Variants in MKLN1 observed in about 807,000 individuals in gnomAD.
MKLN1 encodes muskelin.
A neutral mutation model predicts 99.0 loss-of-function variants in MKLN1; 18 were observed. The observed-to-expected ratio is 0.18, with a 90% CI of 0.13 to 0.27. MKLN1 has a LOEUF of 0.27. Ranked by LOEUF, MKLN1 falls within the 10% of genes least tolerant of loss-of-function variation. The probability of loss-of-function intolerance (pLI) is 1.00; values close to 1 mark genes in which losing one functional copy is unlikely to be tolerated. For synonymous variants in MKLN1, 288 were observed against 293.2 expected (o/e 0.98, Z 0.18); for missense variants, 621 against 875.9 (o/e 0.71, Z 3.67).
intron 9 of MKLN1, among the ~76,000 whole-genome samples, chr7:131,434,384 A>G (rs1187634172): frequency 6.6e-6 from 1 of 152,214 alleles, no homozygotes; most frequent in East Asian, 1.9e-4. Flanking sequence ...TTTACTTTCC[A>G]TTTGTTGGCT....
At chr7:131,473,755 A>G (rs1796892055) in intron 16 of MKLN1, among the ~76,000 whole-genome samples, 1 of 152,230 alleles carries the variant, frequency 6.6e-6, no homozygotes, top group South Asian at 2.1e-4. Flanking sequence ...GAGGAGCTGT[A>G]TCAGCAAACC....
rs58800874 is a variant in MKLN1 at position 131,202,146 on chromosome 7, C to CTTTTTTTT, written c.-296-686_-296-679dup. ...GGTTTCTCCACTTTGGCACTATTGA[C>CTTTTTTTT]TTTTTTTTTTTTTTTTTTTTTTTTT... On this transcript the variant is annotated intron_variant, in intron 2 of 7. Transcript: ENST00000416992. Among the ~76,000 whole-genome samples, 107 of 60,268 alleles carry CTTTTTTTT rather than the reference C, an allele frequency of 1.8e-3. 4 individuals carry two copies. Among genetic ancestry groups the CTTTTTTTT allele is most frequent in the Non-Finnish European group, 2.4e-3 (76 of 31,388 alleles). 39.5% of individuals were successfully genotyped at this position (60,268 alleles called of 152,430 possible). A position where few individuals can be genotyped will look rare whatever the true frequency, so the allele number is the denominator to read the frequency against.
intron 3 of MKLN1, among the ~76,000 whole-genome samples, chr7:131,305,431 A>G (rs1164281988): frequency 2.0e-5 from 3 of 152,224 alleles, no homozygotes; most frequent in African/African-American, 7.2e-5. Context: ...AATGTGATGC[A>G]ATCCAACAGG....
chr7:131,304,785 T>C (rs1217227776), intron 3 of MKLN1, among the ~76,000 whole-genome samples: 2 of 152,236 alleles, frequency 1.3e-5, no homozygotes, highest in Admixed American at 6.5e-5. Context: ...TTGGAGTGTT[T>C]GTTTTTCATC....
intron 1 of MKLN1, among the ~76,000 whole-genome samples, chr7:131,114,774 C>T (rs906127740): frequency 2.6e-5 from 4 of 151,984 alleles, no homozygotes; most frequent in African/African-American, 9.7e-5. Flanking sequence ...GGCAAAACCC[C>T]ATCTCTACTA....
At chr7:131,287,105 T>TCAAAA (rs60492108) in intron 3 of MKLN1, among the ~76,000 whole-genome samples, 37,077 of 151,570 alleles carry the variant, frequency 0.24, 6,020 homozygotes, top group African/African-American at 0.47. Flanking sequence ...AAACCCTGTC[T>TCAAAA]CAAAACAAAA....
intron 3 of MKLN1, among the ~76,000 whole-genome samples, chr7:131,288,697 T>A (rs1333611904): frequency 2.6e-5 from 4 of 152,176 alleles, no homozygotes; most frequent in African/African-American, 9.7e-5. Context: ...GTAGTCAGTA[T>A]CTGTTGCTTT....
At chr7:131,463,128 A>T in intron 12 of MKLN1, 89 bp from the exon 13 acceptor site, 1 of 1,200,220 alleles carries the variant, frequency 8.3e-7, no homozygotes, top group African/African-American at 1.5e-5. Flanking sequence ...TGTTCTTTAA[A>T]AAAAGAAAGA....
intron 3 of MKLN1, among the ~76,000 whole-genome samples, chr7:131,309,261 T>C (rs1798518453): frequency 6.6e-6 from 1 of 152,208 alleles, no homozygotes; most frequent in Admixed American, 6.5e-5. Flanking sequence ...TATTTTATCT[T>C]ACCATTGTTG....
intron 3 of MKLN1, among the ~76,000 whole-genome samples, chr7:131,287,231 C>T (rs1334111384): frequency 6.6e-6 from 1 of 152,252 alleles, no homozygotes; most frequent in African/African-American, 2.4e-5. Flanking sequence ...TATTCTCCAT[C>T]TGGCTCCTGT....
At chr7:131,382,394 C>G (rs1442489938) in intron 2 of MKLN1, among the ~76,000 whole-genome samples, 1 of 151,670 alleles carries the variant, frequency 6.6e-6, no homozygotes, top group African/African-American at 2.4e-5. Flanking sequence ...AATTAATATA[C>G]AAGTCTTTGT....
chr7:131,444,757 T>TAGTAGTAGA (rs1464995544), intron 11 of MKLN1, among the ~76,000 whole-genome samples: 3 of 63,228 alleles, frequency 4.7e-5, no homozygotes. Flanking sequence ...GTAGTAGTAG[T>TAGTAGTAGA]AGAAGAAGTA....
At chr7:131,340,721 T>A (rs565251172) in intron 1 of MKLN1, among the ~76,000 whole-genome samples, 1 of 152,324 alleles carries the variant, frequency 6.6e-6, no homozygotes, top group Non-Finnish European at 1.5e-5. Flanking sequence ...AGTAAATGAG[T>A]GAATTAACTA....
At chr7:131,128,572 C>T (rs1246377855) in intron 1 of MKLN1, among the ~76,000 whole-genome samples, 3 of 152,108 alleles carry the variant, frequency 2.0e-5, no homozygotes, top group Non-Finnish European at 4.4e-5. Context: ...GAACTTTTAG[C>T]TTATGTAGAT....
At chr7:131,211,747 G>T (rs1563253877) in intron 3 of MKLN1, among the ~76,000 whole-genome samples, 1 of 151,958 alleles carries the variant, frequency 6.6e-6, no homozygotes, top group Non-Finnish European at 1.5e-5. Flanking sequence ...AAGAAATGTT[G>T]TTTCTTTTTA....
chr7:131,469,157 C>CATAG (rs900450378), intron 15 of MKLN1, among the ~76,000 whole-genome samples: 1 of 151,864 alleles, frequency 6.6e-6, no homozygotes, highest in Non-Finnish European at 1.5e-5. Flanking sequence ...TAGATAGATG[C>CATAG]ATAGATAGAT....
intron 3 of MKLN1, among the ~76,000 whole-genome samples, chr7:131,268,395 T>C (rs953862344): frequency 6.6e-6 from 1 of 152,196 alleles, no homozygotes; most frequent in Admixed American, 6.5e-5. Context: ...AGGCTAATTG[T>C]TATAAGAAAT....
chr7:131,218,324 T>C (rs963782980), intron 3 of MKLN1, among the ~76,000 whole-genome samples: 2 of 152,236 alleles, frequency 1.3e-5, no homozygotes, highest in African/African-American at 4.8e-5. Context: ...AAACAATGAC[T>C]GATTAGAGTT....
chr7:131,493,178 G>C lies in MKLN1; in HGVS notation c.*5450G>C, dbSNP rs1049724158. 1 of 152,092 alleles carries C rather than the reference G, an allele frequency of 6.6e-6. No homozygotes were observed. Among genetic ancestry groups the C allele is most frequent in the African/African-American group, 2.4e-5 (1 of 41,398 alleles). 9.4% of individuals were successfully genotyped at this position (152,092 alleles called of 1,614,324 possible). On this transcript the variant is annotated 3_prime_UTR_variant, in exon 18 of 18. Coordinates refer to ENST00000352689, the MANE Select transcript of MKLN1 (RefSeq NM_013255.5). ...TGGTAGGGAATTGGACCAGTTCTAA[G>C]GTATCACTTTTAATTATAAAATAAT...
Sources: allele counts gnomAD v4.1 joint callset (sites outside exome capture counted in the v4.1 genomes callset), GRCh38; gene constraint gnomAD v4.1.1; transcripts MANE v1.5; gene names NCBI Gene and HGNC (gene_info 2026-07-23, HGNC 2026-07-21).